The following BRD2 variants were observed in gnomAD, a reference collection of about 807,000 sequenced individuals.
BRD2 encodes bromodomain-containing protein 2.
A neutral mutation model predicts 79.1 loss-of-function variants in BRD2; 15 were observed. That is an observed-to-expected ratio of 0.19 (90% confidence interval 0.13 to 0.29). The LOEUF is 0.29. Among genes scored for constraint, BRD2 ranks in the 10% least tolerant of loss-of-function variants. The pLI is 1.00. For missense variants in BRD2, 1,053 were observed against 991.3 expected (o/e 1.06, Z -0.84); for synonymous variants, 488 against 358.6 (o/e 1.36, Z -4.08).
Position 32,979,867 on chromosome 6 carries a change from G to A in BRD2, c.1881G>A (p.Leu627=). 1.9e-6 allele frequency: 3 copies of A among 1,612,958 alleles called. No homozygotes were observed. Among genetic ancestry groups the A allele is most frequent in the Non-Finnish European group, 2.5e-6 (3 of 1,179,952 alleles). ...CCACAAAGACAGCCCCACCTGCCCT[G>A]CCTACAGGTTATGATTCAGAGGAGG... The part of the protein sequence containing the change: ...KKATKTAPPA[L]PTGYDSEEEE... The change falls in exon 11 of 13, where the codon CTG becomes CTA. Residue 627 remains leucine, a synonymous_variant. Transcript: ENST00000374825.
In BRD2 at chr6:32,978,286, G is replaced by A. The variant is rs771459465; in HGVS notation, c.1739G>A (p.Arg580His). The A allele has an allele frequency of 5.6e-6, 9 of 1,613,028 alleles. No individual in the cohort carries two copies. Among genetic ancestry groups the A allele is most frequent in the South Asian group, 3.3e-5 (3 of 91,084 alleles). Residue 580 changes from arginine (R) to histidine (H), a missense_variant, in exon 10 of 13, where the codon CGC becomes CAC. Coordinates refer to ENST00000374825, the MANE Select transcript of BRD2 (RefSeq NM_005104.4). The part of the protein sequence containing the change: ...DEDDKGPRAP[R>H]PPQPKKSKKA... The stretch of plus-strand genomic sequence containing the variant: ...GATGACAAGGGGCCTAGGGCACCCC[G>A]CCCACCTCAACCTAAGAAGTCCAAG...
Sources: gnomAD v4.1 joint callset for allele counts on GRCh38, gnomAD v4.1.1 for gene constraint, MANE v1.5 for transcripts, NCBI Gene and HGNC (gene_info 2026-07-23, HGNC 2026-07-21) for gene names.